Variants in CD5L observed in about 807,000 individuals in gnomAD.
CD5L encodes the protein CD5 antigen-like.
A neutral mutation model predicts 40.8 loss-of-function variants in CD5L; 39 were observed. That is an observed-to-expected ratio of 0.96 (90% CI 0.74 to 1.25). CD5L has a LOEUF of 1.25. Among genes scored for constraint, CD5L ranks in the 50% most tolerant of loss-of-function variants. The pLI is 0.00. For synonymous variants in CD5L, 192 were observed against 169.6 expected (o/e 1.13, Z -1.03); for missense variants, 433 against 435.9 (o/e 0.99, Z 0.06).
intron 3 of CD5L, 99 bp from the exon 4 acceptor site, chr1:157,834,847 G>C (rs955086065): frequency 1.1e-6 from 1 of 871,066 alleles, no homozygotes; most frequent in South Asian, 1.7e-5. Flanking sequence ...TTGGTGTTCA[G>C]TACAAGGCAT....
chr1:157,834,199 A>G (rs1035355359), intron 4 of CD5L, among the ~76,000 whole-genome samples: 10 of 152,244 alleles, frequency 6.6e-5, no homozygotes, highest in African/African-American at 2.2e-4. Flanking sequence ...TCATGTTAAT[A>G]TAGTGCTTAA....
rs1434226414 is a variant in CD5L at position 157,833,287 on chromosome 1, C to T, written c.944G>A (p.Cys315Tyr). The T allele has an allele frequency of 6.2e-7, 1 of 1,614,188 alleles. No individual in the cohort carries two copies. Among genetic ancestry groups the T allele is most frequent in the East Asian group, 2.2e-5 (1 of 44,880 alleles). The part of the protein sequence containing the change: ...VGRIWLDNVR[C>Y]SGEEQSLEQC... ...CTCCAGGGACTGCTCCTCCCCTGAG[C>T]AACGAACATTATCCAGCCAGATGCG... Residue 315 changes from cysteine (C) to tyrosine (Y), a missense_variant, in exon 5 of 6, where the codon TGC becomes TAC. Physicochemically the swap from Cys to Tyr is radical, Grantham distance 194. Transcript: ENST00000368174.
intron 2 of CD5L, among the ~76,000 whole-genome samples, chr1:157,839,035 G>C (rs1656293942): frequency 6.6e-6 from 1 of 152,220 alleles, no homozygotes; most frequent in Non-Finnish European, 1.5e-5. Context: ...GGATATGCTG[G>C]AAACCAACAG....
chr1:157,832,118 A>G (rs550888183), intron 5 of CD5L, 150 bp from the exon 6 acceptor site: 9 of 542,370 alleles, frequency 1.7e-5, no homozygotes, highest in Middle Eastern at 2.8e-4. Context: ...GATGTGAGCC[A>G]GGCCAGAACC....
chr1:157,839,978 C>A (rs1297989326), intron 1 of CD5L, among the ~76,000 whole-genome samples: 1 of 152,178 alleles, frequency 6.6e-6, no homozygotes, highest in Non-Finnish European at 1.5e-5. Flanking sequence ...GCCATTGTAG[C>A]CTGAGAACAG....
At chr1:157,839,495 G>A (rs1440988762) in intron 1 of CD5L, 85 bp from the exon 2 acceptor site, 28 of 1,415,300 alleles carry the variant, frequency 2.0e-5, no homozygotes, top group Non-Finnish European at 2.8e-5. Context: ...TCACAGAACT[G>A]TGTGAGACAA....
Position 157,831,792 on chromosome 1 carries a change from G to C in CD5L, c.*172C>G. 1 of 1,323,692 alleles carries C rather than the reference G, an allele frequency of 7.6e-7. No homozygotes were observed. Among genetic ancestry groups the C allele is most frequent in the Non-Finnish European group, 9.7e-7 (1 of 1,031,820 alleles). 82.0% of individuals were successfully genotyped at this position (1,323,692 alleles called of 1,614,324 possible). Reference sequence around the variant, plus strand: ...GCTCACATCTACAGGCAGCAATGGGGGCTGCTTGTCCCTGAGAGTAAGGCA... The same window carrying C: ...GCTCACATCTACAGGCAGCAATGGGCGCTGCTTGTCCCTGAGAGTAAGGCA... On this transcript the variant is annotated 3_prime_UTR_variant, in exon 6 of 6. Transcript: ENST00000368174.
intron 2 of CD5L, among the ~76,000 whole-genome samples, chr1:157,838,614 T>TA (rs143577278): frequency 0.021 from 3,154 of 151,064 alleles, 101 homozygotes; most frequent in African/African-American, 0.073. Flanking sequence ...AAGAAATAAA[T>TA]AAAAAAAAAT....
chr1:157,832,094 A>G, intron 5 of CD5L, 126 bp from the exon 6 acceptor site: 1 of 691,014 alleles, frequency 1.4e-6, no homozygotes, highest in Non-Finnish European at 2.4e-6. Flanking sequence ...TAAGCCATGT[A>G]CAGATCCCAC....
rs1656150318 is a variant in CD5L, at chr1:157,834,689, G to A, written c.436C>T (p.His146Tyr). 5 of 1,614,158 alleles carry A rather than the reference G, an allele frequency of 3.1e-6. No individual in the cohort carries two copies. Among genetic ancestry groups the A allele is most frequent in the Non-Finnish European group, 4.2e-6 (5 of 1,180,032 alleles). Residue 146 changes from histidine to tyrosine, a missense_variant, in exon 4 of 6, where the codon CAT (histidine) becomes TAT (tyrosine). Coordinates refer to ENST00000368174, the MANE Select transcript of CD5L (RefSeq NM_005894.3). ...TTCACTTCCACGCGTCCCTTGCAAT[G>A]CCCAGGGCCGTCAGCCAGCCTGACA... ...EGVRLADGPG[H>Y]CKGRVEVKHQ...
chr1:157,837,298 T>C (rs1417079737), intron 2 of CD5L, among the ~76,000 whole-genome samples: 1 of 152,006 alleles, frequency 6.6e-6, no homozygotes, highest in Non-Finnish European at 1.5e-5. Context: ...TGGAGATGGC[T>C]GTGTAGGGAG....
chr1:157,836,168 G>A lies in CD5L; in HGVS notation c.56-13C>T, dbSNP rs34942725. 16,602 of 1,603,562 alleles carry A rather than the reference G, an allele frequency of 0.01. 138 individuals are homozygous for A. Among genetic ancestry groups the A allele is most frequent in the Non-Finnish European group, 0.013 (15,298 of 1,174,396 alleles). ...CCAGATGGAGACGCTGCAAAGAGAC[G>A]GGTTGTTAGCTAGAGGCCTGAGAGG... On this transcript the variant is annotated splice_polypyrimidine_tract_variant and intron_variant, in intron 2 of 5. Coordinates refer to ENST00000368174, the MANE Select transcript of CD5L (RefSeq NM_005894.3).
At chr1:157,833,562 G>A (rs1557940125) in intron 4 of CD5L, 50 bp from the exon 5 acceptor site, 3 of 1,359,808 alleles carry the variant, frequency 2.2e-6, no homozygotes, top group Non-Finnish European at 1.0e-6. Context: ...AGGGAAAGGA[G>A]AAAAAATAAG....
chr1:157,835,813 C>T lies in CD5L; in HGVS notation c.376+22G>A. ...AGGGGTATGGCAGCTGGCAAGTGGTCCGGGACCCCTGCCATACTCACTCTC... is the reference window on the plus strand; with the variant it reads ...AGGGGTATGGCAGCTGGCAAGTGGTTCGGGACCCCTGCCATACTCACTCTC... On this transcript the variant is annotated intron_variant, in intron 3 of 5. Coordinates refer to ENST00000368174, the MANE Select transcript of CD5L (RefSeq NM_005894.3). The T allele has an allele frequency of 3.2e-6, 5 of 1,583,142 alleles. 1 individual carries two copies. Among genetic ancestry groups the T allele is most frequent in the South Asian group, 2.3e-5 (2 of 85,922 alleles).
intron 4 of CD5L, 36 bp downstream of exon 4, chr1:157,834,371 A>G (rs1184027577): frequency 2.0e-6 from 3 of 1,525,024 alleles, no homozygotes; most frequent in South Asian, 1.2e-5. Context: ...AATTAAATCC[A>G]TGAATAAACC....
At chr1:157,841,410 T>C (rs528621636) in intron 1 of CD5L, among the ~76,000 whole-genome samples, 5 of 152,268 alleles carry the variant, frequency 3.3e-5, no homozygotes, top group South Asian at 2.1e-4. Context: ...GGAACACTTA[T>C]GTAAAAAGAG....
chr1:157,833,062 CAGGTGATG>C lies in CD5L; in HGVS notation c.1039+122_1039+129del, dbSNP rs1385565294. On this transcript the variant is annotated intron_variant, in intron 5 of 5. Coordinates refer to ENST00000368174, the MANE Select transcript of CD5L (RefSeq NM_005894.3). ...CAGCCATATCCCTGGAAGTACAGAG[CAGGTGATG>C]ACTATGAGCAGCTTCATGGCGCTTG... The C allele has an allele frequency of 1.2e-5, 9 of 742,512 alleles. No homozygotes were observed. The African/African-American group carries it at 1.4e-4, about 12-fold the overall frequency. The allele number at this position is 742,512 out of a possible 1,614,324, so 46.0% of individuals were successfully genotyped here.
chr1:157,840,470 G>C (rs1318488155), intron 1 of CD5L, among the ~76,000 whole-genome samples: 1 of 152,138 alleles, frequency 6.6e-6, no homozygotes, highest in Non-Finnish European at 1.5e-5. Flanking sequence ...TAGTTCAGTG[G>C]TTTATCCTGG....
chr1:157,840,875 G>A (rs1030222751), intron 1 of CD5L, among the ~76,000 whole-genome samples: 1 of 152,200 alleles, frequency 6.6e-6, no homozygotes, highest in African/African-American at 2.4e-5. Context: ...GGATGTTTAA[G>A]ATGTGGTCAG....
Sources: gnomAD v4.1 joint callset for allele counts (sites outside exome capture counted in the v4.1 genomes callset) on GRCh38, gnomAD v4.1.1 for gene constraint, MANE v1.5 for transcripts, NCBI Gene and HGNC (gene_info 2026-07-23, HGNC 2026-07-21) for gene names.